The following CACNB2 variants were observed in gnomAD, a reference collection of about 807,000 sequenced individuals.
The protein encoded by CACNB2 is calcium voltage-gated channel auxiliary subunit beta 2.
Under a neutral mutation model 73.3 loss-of-function variants are expected in CACNB2, and 42 were observed. The ratio of observed to expected loss-of-function variants is 0.57; its 90% CI spans 0.45 to 0.74. CACNB2 has a LOEUF of 0.74. Among genes scored for constraint, CACNB2 ranks in the 30% least tolerant of loss-of-function variants. The pLI is 0.00. For synonymous variants in CACNB2, 348 were observed against 310.3 expected, an observed-to-expected ratio of 1.12 and a Z score of -1.28; for missense variants, 940 against 853.0, an observed-to-expected ratio of 1.10 and a Z score of -1.27.
intron 2 of CACNB2, among the ~76,000 whole-genome samples, chr10:18,268,882 A>T (rs572803195): frequency 3.8e-4 from 58 of 152,310 alleles, no homozygotes; most frequent in Non-Finnish European, 6.0e-4. Context: ...TGATTGAGAA[A>T]TTGTCATATG....
intron 2 of CACNB2, among the ~76,000 whole-genome samples, chr10:18,348,344 A>T (rs1160470777): frequency 6.6e-6 from 1 of 152,190 alleles, no homozygotes. Flanking sequence ...ATTTTGTCAA[A>T]TGTCTCTTTA....
At chr10:18,188,492 A>G (rs988797950) in intron 2 of CACNB2, among the ~76,000 whole-genome samples, 2 of 151,986 alleles carry the variant, frequency 1.3e-5, no homozygotes, top group Non-Finnish European at 1.5e-5. Flanking sequence ...TTTTATAGAG[A>G]CAGGGTCTTA....
At position 18,150,853 on chromosome 10, in the gene CACNB2, GTCTTT is replaced by G. The variant is rs1312805520; in HGVS notation, c.121-28_121-24del. 6 of 655,476 alleles carry G rather than the reference GTCTTT, an allele frequency of 9.2e-6. No homozygotes were observed. The African/African-American group carries it at 2.5e-4, about 28-fold the overall frequency. The allele number at this position is 655,476 out of a possible 1,614,324, so 40.6% of individuals were successfully genotyped here. On this transcript the variant is annotated intron_variant, in intron 1 of 13. Coordinates refer to ENST00000324631, the MANE Select transcript of CACNB2 (RefSeq NM_201596.3). The stretch of plus-strand genomic sequence containing the variant: ...AAAGGGTCTCATAATAATCTTATTT[GTCTTT>G]TTTTTTTTTTTTTTTTTTTTTTAGT...
At chr10:18,149,414 G>A (rs761225022) in intron 1 of CACNB2, among the ~76,000 whole-genome samples, 42 of 152,272 alleles carry the variant, frequency 2.8e-4, no homozygotes, top group Non-Finnish European at 4.7e-4. Flanking sequence ...CTTTCTTGCC[G>A]TTTATGAAGT....
intron 2 of CACNB2, among the ~76,000 whole-genome samples, chr10:18,247,724 G>T (rs991953667): frequency 1.3e-5 from 2 of 152,176 alleles, no homozygotes; most frequent in African/African-American, 4.8e-5. Flanking sequence ...GGTTGAGGCA[G>T]ATTTGGTGTC....
chr10:18,209,207 C>T (rs942154443), intron 2 of CACNB2, among the ~76,000 whole-genome samples: 2 of 152,032 alleles, frequency 1.3e-5, no homozygotes, highest in Admixed American at 1.3e-4. Flanking sequence ...AAAAATGTGG[C>T]TTAATTTTTT....
chr10:18,359,334 C>G (rs1306535247), intron 2 of CACNB2, among the ~76,000 whole-genome samples: 1 of 152,102 alleles, frequency 6.6e-6, no homozygotes, highest in African/African-American at 2.4e-5. Context: ...TGCAGTGGCG[C>G]CATCTCGGCT....
At chr10:18,518,524 CT>C in intron 8 of CACNB2, 108 bp downstream of exon 8, 1 of 826,686 alleles carries the variant, frequency 1.2e-6, no homozygotes, top group Non-Finnish European at 2.1e-6. Context: ...AAGGAGCCAA[CT>C]TTAGAGCTTA....
At chr10:18,261,032 T>G in intron 2 of CACNB2, 8 of 1,381,466 alleles carry the variant, frequency 5.8e-6, no homozygotes, top group Admixed American at 3.0e-5. Context: ...TTGAAGAAGA[T>G]CTCAAATTAC....
At chr10:18,480,360 T>C (rs1282775150) in intron 3 of CACNB2, among the ~76,000 whole-genome samples, 1 of 152,196 alleles carries the variant, frequency 6.6e-6, no homozygotes, top group Non-Finnish European at 1.5e-5. Context: ...TCCTTGAGCA[T>C]CCAGAATAAG....
intron 2 of CACNB2, among the ~76,000 whole-genome samples, chr10:18,258,854 T>A (rs10828387): frequency 0.56 from 85,023 of 151,794 alleles, 24,349 homozygotes; most frequent in East Asian, 0.7. Context: ...CCTACCTACT[T>A]GGAATATATC....
intron 2 of CACNB2, among the ~76,000 whole-genome samples, chr10:18,253,444 C>T (rs2037166033): frequency 1.3e-5 from 2 of 152,072 alleles, no homozygotes; most frequent in South Asian, 2.1e-4. Flanking sequence ...GTTTCTCTTT[C>T]GTGGTCTTTC....
At chr10:18,415,029 G>C (rs547275435) in intron 3 of CACNB2, among the ~76,000 whole-genome samples, 1 of 152,340 alleles carries the variant, frequency 6.6e-6, no homozygotes, top group Non-Finnish European at 1.5e-5. Flanking sequence ...CATTTGATGA[G>C]TGGTATCATG....
chr10:18,257,726 G>A (rs2037343751), intron 2 of CACNB2, among the ~76,000 whole-genome samples: 4 of 152,072 alleles, frequency 2.6e-5, no homozygotes, highest in Admixed American at 1.3e-4. Flanking sequence ...CGTTCCCATT[G>A]CTCTGAAACA....
chr10:18,474,044 G>A (rs775383147), intron 3 of CACNB2, among the ~76,000 whole-genome samples: 4 of 152,194 alleles, frequency 2.6e-5, no homozygotes, highest in Non-Finnish European at 5.9e-5. Flanking sequence ...ATCTCTAATA[G>A]TTAAGATGAT....
chr10:18,362,165 A>G (rs1192683773), intron 2 of CACNB2, among the ~76,000 whole-genome samples: 2 of 152,182 alleles, frequency 1.3e-5, no homozygotes, highest in East Asian at 3.8e-4. Flanking sequence ...CTAATGATTG[A>G]AGCCTCTTTC....
At chr10:18,166,088 T>C (rs1318836620) in intron 2 of CACNB2, among the ~76,000 whole-genome samples, 3 of 152,220 alleles carry the variant, frequency 2.0e-5, no homozygotes, top group Non-Finnish European at 4.4e-5. Flanking sequence ...TTTCCTTCTA[T>C]GGATGTCTTT....
chr10:18,222,243 G>C (rs1471200959), intron 2 of CACNB2, among the ~76,000 whole-genome samples: 3 of 152,202 alleles, frequency 2.0e-5, no homozygotes, highest in Non-Finnish European at 4.4e-5. Flanking sequence ...GTGAAATTCT[G>C]TAGGACAAAT....
intron 2 of CACNB2, among the ~76,000 whole-genome samples, chr10:18,247,566 A>G (rs1320479967): frequency 6.6e-6 from 1 of 152,126 alleles, no homozygotes; most frequent in East Asian, 1.9e-4. Flanking sequence ...TAAAAAAAAA[A>G]TCATACTGTG....
Sources: gnomAD v4.1 joint callset for allele counts (sites outside exome capture counted in the v4.1 genomes callset) on GRCh38, gnomAD v4.1.1 for gene constraint, MANE v1.5 for transcripts, NCBI Gene and HGNC (gene_info 2026-07-23, HGNC 2026-07-21) for gene names.